The following FHOD3 variants were observed in gnomAD, a reference collection of about 807,000 sequenced individuals.
FHOD3 encodes the protein formin homology 2 domain containing 3.
FHOD3 carries 90 observed loss-of-function variants against 173.0 expected under a neutral mutation model. That is an observed-to-expected ratio of 0.52 (90% CI 0.44 to 0.62). The LOEUF (loss-of-function observed/expected upper bound fraction) is 0.62, where lower values mean the gene tolerates loss of function less well. FHOD3 is among the 20% of genes least tolerant of loss of function. The pLI is 0.00. For synonymous variants in FHOD3, 828 were observed against 823.0 expected (o/e 1.01, Z -0.10); for missense variants, 1,945 against 2,034.7 (o/e 0.96, Z 0.85).
rs1023666913 is a variant in FHOD3, at chr18:36,324,072, A to G, written c.165+26072A>G. On this transcript the variant is annotated intron_variant, in intron 1 of 28. Transcript: ENST00000590592. ...TTACAGTAGTCCCACAAGGATAGAC[A>G]AATAGACCAGTGGAACAGCATAGAG... Among the ~76,000 whole-genome samples the G allele has an allele frequency of 3.9e-5, 6 of 152,366 alleles. No individual in the cohort carries two copies. The South Asian group carries it at 1.2e-3, about 32-fold the overall frequency.
chr18:36,308,014 G>A (rs2092148575), intron 1 of FHOD3, among the ~76,000 whole-genome samples: 1 of 152,098 alleles, frequency 6.6e-6, no homozygotes. Flanking sequence ...GTCTATGTAT[G>A]TACCATGATC....
intron 14 of FHOD3, among the ~76,000 whole-genome samples, chr18:36,675,150 C>T (rs2037769432): frequency 6.6e-6 from 1 of 152,112 alleles, no homozygotes; most frequent in Non-Finnish European, 1.5e-5. Context: ...GGAAGGCTGG[C>T]TAATCATGTC....
At chr18:36,303,389 A>C (rs1450746393) in intron 1 of FHOD3, among the ~76,000 whole-genome samples, 1 of 152,110 alleles carries the variant, frequency 6.6e-6, no homozygotes, top group Non-Finnish European at 1.5e-5. Flanking sequence ...TTGCCTTTGC[A>C]TGCGGCTGCC....
At chr18:36,325,694 CTT>C in intron 1 of FHOD3, among the ~76,000 whole-genome samples, 1 of 151,300 alleles carries the variant, frequency 6.6e-6, no homozygotes, top group South Asian at 2.1e-4. Context: ...TCTCTTTCTC[CTT>C]CTCTTTCTTC....
At chr18:36,555,957 G>T (rs183778745) in intron 5 of FHOD3, among the ~76,000 whole-genome samples, 1 of 151,788 alleles carries the variant, frequency 6.6e-6, no homozygotes, top group Admixed American at 6.6e-5. Context: ...CATTTCTGTA[G>T]GACTCATGTA....
chr18:36,608,512 G>A (rs943543316), intron 8 of FHOD3, among the ~76,000 whole-genome samples: 1 of 152,138 alleles, frequency 6.6e-6, no homozygotes, highest in Non-Finnish European at 1.5e-5. Flanking sequence ...TTGGGTGGGG[G>A]GCACATTCAA....
intron 6 of FHOD3, among the ~76,000 whole-genome samples, chr18:36,588,192 G>A (rs543243231): frequency 6.6e-5 from 10 of 152,344 alleles, no homozygotes; most frequent in African/African-American, 2.2e-4. Flanking sequence ...TGGAGTCTGG[G>A]ATGTCTGTTG....
chr18:36,611,215 T>A (rs2032638397), intron 8 of FHOD3, among the ~76,000 whole-genome samples: 1 of 152,242 alleles, frequency 6.6e-6, no homozygotes, highest in Non-Finnish European at 1.5e-5. Flanking sequence ...GTATGGATCT[T>A]AACAGGAGTT....
At chr18:36,533,419 G>C (rs1417716251) in intron 5 of FHOD3, among the ~76,000 whole-genome samples, 4 of 152,202 alleles carry the variant, frequency 2.6e-5, no homozygotes, top group Non-Finnish European at 5.9e-5. Flanking sequence ...GCTATGTCCT[G>C]AGCGTGTGCT....
In FHOD3 at chr18:36,718,612, G is replaced by A. The variant is rs369061380; in HGVS notation, c.3314G>A (p.Arg1105His). ...PFDWPCKNNR[R>H]CREFLWSKLE... is the part of the protein sequence containing the mutation. ...GACTGGCCATGTAAAAACAACCGAC[G>A]CTGCAGAGAATTCCTGTGGTCAAAA... The change falls in exon 19 of 29, where the codon CGC (arginine) becomes CAC (histidine). Residue 1105 changes from arginine to histidine, a missense_variant. Arg to His is a conservative substitution (Grantham distance 29). This residue lies in a region of FHOD3 where 231 missense variants were observed against 321.9 expected (regional missense o/e 0.72). Coordinates refer to ENST00000590592, the MANE Select transcript of FHOD3 (RefSeq NM_001281740.3). 80 of 1,613,966 alleles carry A rather than the reference G, an allele frequency of 5.0e-5. No individual in the cohort carries two copies. The highest frequency in any genetic ancestry group is 1.9e-4 in the South Asian group (17 of 91,078).
At chr18:36,417,912 T>C (rs1054733526) in intron 3 of FHOD3, among the ~76,000 whole-genome samples, 5 of 152,266 alleles carry the variant, frequency 3.3e-5, no homozygotes, top group African/African-American at 1.2e-4. Context: ...TTATATTAAC[T>C]GTCCTGGAAA....
At chr18:36,523,672 G>A (rs1342987138) in intron 5 of FHOD3, among the ~76,000 whole-genome samples, 1 of 152,204 alleles carries the variant, frequency 6.6e-6, no homozygotes, top group East Asian at 1.9e-4. Context: ...CTTTGCACTG[G>A]AAATGCTGTA....
Position 36,717,983 on chromosome 18 carries a change from C to A in FHOD3, c.2685C>A (p.Thr895=), listed in dbSNP as rs778725325. The A allele has an allele frequency of 6.2e-7, 1 of 1,613,420 alleles. No individual in the cohort carries two copies. The highest frequency in any genetic ancestry group is 8.5e-7 in the Non-Finnish European group (1 of 1,179,740). Residue 895 remains threonine, a synonymous_variant, in exon 19 of 29, where the codon ACC becomes ACA. Transcript: ENST00000590592. ...AGGGGGATGGGGAGGCTGGGAGGAC[C>A]CAGCAGGAGGCAGAGGCGGTAGCCA... ...EEKGDGEAGR[T]QQEAEAVASL... is the part of the protein sequence containing the mutation.
At chr18:36,761,771 A>G (rs1339012227) in intron 27 of FHOD3, among the ~76,000 whole-genome samples, 22 of 151,952 alleles carry the variant, frequency 1.4e-4, no homozygotes, top group Non-Finnish European at 1.6e-4. Flanking sequence ...TGTTGGAGAC[A>G]GGCTTTCTTC....
chr18:36,426,557 G>A (rs1189164060), intron 3 of FHOD3, among the ~76,000 whole-genome samples: 1 of 152,120 alleles, frequency 6.6e-6, no homozygotes, highest in Non-Finnish European at 1.5e-5. Flanking sequence ...TTGTGTGGTG[G>A]GCTCCCCCTC....
At chr18:36,712,468 C>CAA (rs58192327) in intron 18 of FHOD3, among the ~76,000 whole-genome samples, 5 of 147,422 alleles carry the variant, frequency 3.4e-5, no homozygotes, top group Admixed American at 2.7e-4. Context: ...ACAGTAACAA[C>CAA]AAAAAAAAAA....
At chr18:36,579,559 G>T (rs748500934) in intron 6 of FHOD3, among the ~76,000 whole-genome samples, 1 of 152,182 alleles carries the variant, frequency 6.6e-6, no homozygotes, top group Non-Finnish European at 1.5e-5. Flanking sequence ...GTGTCAAGAG[G>T]TGTTTAGGTC....
At chr18:36,703,843 C>T (rs1040287527) in intron 17 of FHOD3, among the ~76,000 whole-genome samples, 2 of 152,180 alleles carry the variant, frequency 1.3e-5, no homozygotes, top group African/African-American at 4.8e-5. Context: ...GACGGGGCAG[C>T]CTTTATATTC....
intron 5 of FHOD3, among the ~76,000 whole-genome samples, chr18:36,521,615 A>G (rs189325047): frequency 1.6e-4 from 25 of 152,038 alleles, no homozygotes; most frequent in Admixed American, 2.0e-4. Context: ...TCAGATCATC[A>G]TTTGTTCCTT....
Sources: allele counts gnomAD v4.1 joint callset (sites outside exome capture counted in the v4.1 genomes callset), GRCh38; gene constraint gnomAD v4.1.1; regional missense constraint gnomAD v4.1.1; transcripts MANE v1.5; gene names NCBI Gene and HGNC (gene_info 2026-07-23, HGNC 2026-07-21).